TANGO6: variants seen among roughly 807,000 people sequenced by gnomAD.
TANGO6 encodes the protein transport and Golgi organization protein 6 homolog.
A neutral mutation model predicts 114.2 loss-of-function variants in TANGO6; 90 were observed. That is an observed-to-expected ratio of 0.79 (90% CI 0.66 to 0.94). The LOEUF (loss-of-function observed/expected upper bound fraction) is 0.94. Ranked by LOEUF, TANGO6 falls within the 40% of genes least tolerant of loss-of-function variation. TANGO6 has a pLI of 0.00. For missense variants in TANGO6, 1,274 were observed against 1,315.3 expected (o/e 0.97, Z 0.49); for synonymous variants, 477 against 509.8 (o/e 0.94, Z 0.87).
At chr16:68,883,900 A>G (rs924473821) in intron 7 of TANGO6, among the ~76,000 whole-genome samples, 7 of 152,070 alleles carry the variant, frequency 4.6e-5, no homozygotes, top group African/African-American at 1.7e-4. Flanking sequence ...CTCATTCTCC[A>G]TAGCATTCAC....
At chr16:69,031,057 A>C (rs1358314796) in intron 16 of TANGO6, among the ~76,000 whole-genome samples, 2 of 152,048 alleles carry the variant, frequency 1.3e-5, no homozygotes, top group Non-Finnish European at 2.9e-5. Flanking sequence ...TCGATCTCAA[A>C]AAATAAAATT....
intron 11 of TANGO6, among the ~76,000 whole-genome samples, chr16:68,917,923 T>TC (rs1185468994): frequency 6.6e-6 from 1 of 151,016 alleles, no homozygotes; most frequent in African/African-American, 2.4e-5. Flanking sequence ...TGGCTAATTT[T>TC]TTTTTTTTTT....
intron 15 of TANGO6, among the ~76,000 whole-genome samples, chr16:68,980,431 A>T (rs1325094868): frequency 1.6e-4 from 12 of 75,926 alleles, no homozygotes; most frequent in African/African-American, 5.3e-4. Flanking sequence ...ATATATATAT[A>T]TATATTTTTT....
At chr16:68,884,492 A>G (rs1962511489) in intron 7 of TANGO6, among the ~76,000 whole-genome samples, 1 of 152,228 alleles carries the variant, frequency 6.6e-6, no homozygotes, top group African/African-American at 2.4e-5. Context: ...AGCAGTCTAG[A>G]AAGCAGATGT....
Position 69,024,347 on chromosome 16 carries a change from A to G in TANGO6, c.2994+1368A>G, listed in dbSNP as rs1421244067. ...AGTGGCACGATCTCGGCTTACTGCA[A>G]CCTCCGCCTCCCGGGTCCCAGTTCA... On this transcript the variant is annotated intron_variant, in intron 16 of 17. Transcript: ENST00000261778. 2.0e-5 allele frequency among the ~76,000 whole-genome samples: 3 copies of G among 150,954 alleles called. No individual in the cohort carries two copies. In the East Asian group the frequency reaches 5.8e-4, roughly 29 times the overall value.
intron 15 of TANGO6, among the ~76,000 whole-genome samples, chr16:68,997,607 G>A (rs191440459): frequency 3.9e-4 from 60 of 152,224 alleles, no homozygotes; most frequent in Non-Finnish European, 7.5e-4. Flanking sequence ...GGTTTTAGCC[G>A]GCTTCTTTAC....
At chr16:68,912,900 A>G (rs1271528345) in intron 11 of TANGO6, among the ~76,000 whole-genome samples, 3 of 136,068 alleles carry the variant, frequency 2.2e-5, no homozygotes, top group Non-Finnish European at 4.7e-5. Flanking sequence ...ACATAGCAAG[A>G]CCCCATCTCT....
At chr16:68,965,417 C>T (rs573023438) in intron 14 of TANGO6, among the ~76,000 whole-genome samples, 17 of 152,290 alleles carry the variant, frequency 1.1e-4, no homozygotes, top group Admixed American at 9.2e-4. Flanking sequence ...AAAACAGATT[C>T]GGATACAAAA....
At chr16:69,064,117 T>C (rs1960179014) in intron 17 of TANGO6, among the ~76,000 whole-genome samples, 1 of 152,060 alleles carries the variant, frequency 6.6e-6, no homozygotes, top group African/African-American at 2.4e-5. Flanking sequence ...ATTACAGGCA[T>C]AAGCCACCAC....
At chr16:68,934,303 C>A (rs991772821) in intron 14 of TANGO6, among the ~76,000 whole-genome samples, 3 of 152,062 alleles carry the variant, frequency 2.0e-5, no homozygotes, top group Non-Finnish European at 1.5e-5. Context: ...CTTCAGCCTC[C>A]CAAAGTGCTG....
intron 16 of TANGO6, chr16:69,034,919 A>C (rs1767356331): frequency 7.0e-6 from 1 of 143,096 alleles, no homozygotes; most frequent in South Asian, 2.2e-4. Context: ...TGTGTCGCTT[A>C]AAACCAAATC....
At chr16:69,072,710 A>G (rs1456325180) in intron 17 of TANGO6, among the ~76,000 whole-genome samples, 1 of 152,194 alleles carries the variant, frequency 6.6e-6, no homozygotes, top group Non-Finnish European at 1.5e-5. Context: ...ACACTCAGTT[A>G]CTAAAAACAG....
chr16:69,029,906 G>C (rs777471163), intron 16 of TANGO6, among the ~76,000 whole-genome samples: 2 of 151,546 alleles, frequency 1.3e-5, no homozygotes, highest in Non-Finnish European at 2.9e-5. Context: ...TCAGGAGTTC[G>C]AGACCAGCCT....
chr16:68,949,761 T>G (rs1345199821), intron 14 of TANGO6, among the ~76,000 whole-genome samples: 2 of 152,170 alleles, frequency 1.3e-5, no homozygotes, highest in Non-Finnish European at 2.9e-5. Context: ...GGTTATCATG[T>G]GACCTATCAG....
intron 17 of TANGO6, among the ~76,000 whole-genome samples, chr16:69,049,045 C>A (rs1959905449): frequency 6.6e-6 from 1 of 152,124 alleles, no homozygotes; most frequent in Non-Finnish European, 1.5e-5. Flanking sequence ...CCCCCTCTTC[C>A]CCTTACCTTG....
chr16:68,851,049 A>G (rs1278911860), intron 1 of TANGO6, among the ~76,000 whole-genome samples: 2 of 152,094 alleles, frequency 1.3e-5, no homozygotes, highest in African/African-American at 2.4e-5. Context: ...TTATTCTTAA[A>G]TTGCTTCTTT....
chr16:68,862,132 G>C (rs777239025), intron 2 of TANGO6, among the ~76,000 whole-genome samples: 28 of 152,072 alleles, frequency 1.8e-4, no homozygotes, highest in Non-Finnish European at 4.0e-4. Flanking sequence ...CCGCCTCCTG[G>C]GTTCAAAAGA....
chr16:68,929,904 T>TG (rs1394876164), intron 13 of TANGO6, among the ~76,000 whole-genome samples: 2 of 152,232 alleles, frequency 1.3e-5, no homozygotes, highest in East Asian at 3.8e-4. Flanking sequence ...CCTTGTCTCT[T>TG]GTGTGTCACA....
At chr16:68,882,235 A>G (rs1015195062) in intron 7 of TANGO6, among the ~76,000 whole-genome samples, 33 of 152,114 alleles carry the variant, frequency 2.2e-4, no homozygotes, top group Admixed American at 1.3e-3. Flanking sequence ...GGTGGCTCAC[A>G]CCTGTAATCC....
Sources: gnomAD v4.1 joint callset for allele counts (sites outside exome capture counted in the v4.1 genomes callset) on GRCh38, gnomAD v4.1.1 for gene constraint, MANE v1.5 for transcripts, NCBI Gene and HGNC (gene_info 2026-07-23, HGNC 2026-07-21) for gene names.